The following HNRNPLL variants were observed in gnomAD, a reference collection of about 807,000 sequenced individuals.
The protein encoded by HNRNPLL is heterogeneous nuclear ribonucleoprotein L like.
Under a neutral mutation model 67.1 loss-of-function variants are expected in HNRNPLL, and 25 were observed. The observed-to-expected ratio is 0.37, with a 90% CI of 0.27 to 0.52. The LOEUF is 0.52. Ranked by LOEUF, HNRNPLL falls within the 20% of genes least tolerant of loss-of-function variation. The pLI is 0.90. For synonymous variants in HNRNPLL, 267 were observed against 241.7 expected, an observed-to-expected ratio of 1.10 and a Z score of -0.97; for missense variants, 542 against 673.9, an observed-to-expected ratio of 0.80 and a Z score of 2.17.
intron 12 of HNRNPLL, among the ~76,000 whole-genome samples, chr2:38,567,866 T>C (rs1479683349): frequency 1.3e-5 from 2 of 152,164 alleles, no homozygotes; most frequent in Non-Finnish European, 2.9e-5. Flanking sequence ...CTGGCTTCAG[T>C]CAAGCCCTGA....
At position 38,566,219 on chromosome 2, in the gene HNRNPLL, T is replaced by C. The variant is rs904609532; in HGVS notation, c.1573+1980A>G. On this transcript the variant is annotated intron_variant, in intron 12 of 12. Transcript: ENST00000449105. ...CCCGTCTCTAACAAAAATACAAAAA[T>C]TAGCTGGGTGTGGTGGTGGGTGCCT... is the stretch of plus-strand genomic sequence containing the variant. 3 of 266,394 alleles carry C rather than the reference T, an allele frequency of 1.1e-5. No individual in the cohort carries two copies. In the South Asian group the frequency reaches 4.0e-4, roughly 36 times the overall value. 16.5% of individuals were successfully genotyped at this position (266,394 alleles called of 1,614,324 possible). A position where few individuals can be genotyped will look rare whatever the true frequency, so the allele number is the denominator to read the frequency against.
intron 6 of HNRNPLL, 113 bp from the exon 7 acceptor site, chr2:38,577,645 T>A: frequency 1.5e-6 from 1 of 686,494 alleles, no homozygotes; most frequent in East Asian, 2.6e-5. Context: ...ATAAAAGAAA[T>A]ACGATTCCTG....
chr2:38,581,676 G>A (rs1482112729), intron 6 of HNRNPLL: 3 of 533,220 alleles, frequency 5.6e-6, no homozygotes, highest in South Asian at 3.0e-5. Flanking sequence ...TGAACTGCGG[G>A]CGTGCCTGAA....
At chr2:38,579,831 G>A (rs936257228) in intron 6 of HNRNPLL, among the ~76,000 whole-genome samples, 1 of 151,978 alleles carries the variant, frequency 6.6e-6, no homozygotes, top group Non-Finnish European at 1.5e-5. Flanking sequence ...TTGAGTGCAA[G>A]CTAAGAGCTC....
At chr2:38,584,055 T>A (rs140645947) in intron 3 of HNRNPLL, 129 bp from the exon 4 acceptor site, 9 of 457,344 alleles carry the variant, frequency 2.0e-5, no homozygotes, top group Non-Finnish European at 3.5e-5. Context: ...ATAAAATTAA[T>A]TCTTAAAATT....
At chr2:38,577,723 T>A (rs1336782972) in intron 6 of HNRNPLL, among the ~76,000 whole-genome samples, 191 bp from the exon 7 acceptor site, 2 of 152,078 alleles carry the variant, frequency 1.3e-5, no homozygotes, top group African/African-American at 4.8e-5. Flanking sequence ...ATTAATTCCA[T>A]CTAACAAATT....
At chr2:38,564,613 CAAAAAAAAAAAAAA>C (rs70954732) in intron 12 of HNRNPLL, among the ~76,000 whole-genome samples, 1 of 36,974 alleles carries the variant, frequency 2.7e-5, no homozygotes, top group Non-Finnish European at 5.6e-5. Flanking sequence ...GACTCCGTCT[CAAAAAAAAAAAAAA>C]AAAAAAAAAA....
chr2:38,584,160 G>T (rs769893371), intron 3 of HNRNPLL, among the ~76,000 whole-genome samples: 3 of 152,158 alleles, frequency 2.0e-5, no homozygotes, highest in Non-Finnish European at 4.4e-5. Flanking sequence ...TTCCCAGGCT[G>T]AAACGATCTC....
At chr2:38,565,987 A>C in intron 12 of HNRNPLL, 1 of 937,498 alleles carries the variant, frequency 1.1e-6, no homozygotes, top group Middle Eastern at 3.1e-4. Context: ...TCTCTTTTTT[A>C]AACCATCATT....
chr2:38,566,393 A>C (rs868727352), intron 12 of HNRNPLL, among the ~76,000 whole-genome samples: 2 of 150,540 alleles, frequency 1.3e-5, no homozygotes, highest in Non-Finnish European at 3.0e-5. Flanking sequence ...AAAAAAAAAA[A>C]CCAAAAAGGC....
chr2:38,573,149 G>C (rs1030171213), intron 8 of HNRNPLL, 61 bp downstream of exon 8: 3 of 1,103,462 alleles, frequency 2.7e-6, no homozygotes, highest in Non-Finnish European at 2.6e-6. Context: ...CATATTTGCA[G>C]CCTTTTCAGA....
chr2:38,602,621 G>C lies in HNRNPLL; in HGVS notation c.6C>G (p.Ser2=). The change falls in exon 1 of 13, where the codon TCC becomes TCG. Residue 2 remains serine (S), a synonymous_variant. Coordinates refer to ENST00000449105, the MANE Select transcript of HNRNPLL (RefSeq NM_138394.4). ...TCTCCCTGGGGGAGGAAGAGGAGGA[G>C]GACATGGCGGCGGCCGGAGGGACCG... M[S]SSSSSPRETY... 6.6e-7 allele frequency: 1 copy of C among 1,525,276 alleles called. No individual in the cohort carries two copies. The highest frequency in any genetic ancestry group is 8.8e-7 in the Non-Finnish European group (1 of 1,142,416). 94.5% of individuals were successfully genotyped at this position (1,525,276 alleles called of 1,614,324 possible).
chr2:38,572,835 G>A (rs1280211391), intron 8 of HNRNPLL, among the ~76,000 whole-genome samples: 2 of 151,860 alleles, frequency 1.3e-5, no homozygotes, highest in African/African-American at 4.8e-5. Context: ...GCTAGGCTCC[G>A]AAGCTTGTTT....
At position 38,581,984 on chromosome 2, in the gene HNRNPLL, G is replaced by C; in HGVS notation, c.731C>G (p.Pro244Arg). 6.2e-7 allele frequency: 1 copy of C among 1,610,540 alleles called. No homozygotes were observed. ...ATTCCTAATAACATTTAGACGAGTT[G>C]GCTGTTAAGATTGAAAATAATGTAA... is the stretch of plus-strand genomic sequence containing the variant. The part of the protein sequence containing the change: ...CCTLKIEYAR[P>R]TRLNVIRNDN... The change falls in exon 6 of 13, where the codon CCA becomes CGA. Residue 244 changes from proline (P) to arginine (R), a missense_variant and splice_region_variant. Around this residue, in one of 2 missense-constraint regions of HNRNPLL, gnomAD observed 415 missense variants for 575.2 expected, o/e 0.72. Transcript: ENST00000449105.
chr2:38,597,384 C>A (rs2148388572), intron 1 of HNRNPLL, among the ~76,000 whole-genome samples: 1 of 152,230 alleles, frequency 6.6e-6, no homozygotes, highest in Non-Finnish European at 1.5e-5. Flanking sequence ...TCAATGCAGT[C>A]CCAAGAATAA....
At chr2:38,602,212 T>C (rs1041599078) in intron 1 of HNRNPLL, 2 of 514,346 alleles carry the variant, frequency 3.9e-6, no homozygotes, top group Non-Finnish European at 6.7e-6. Context: ...GGCCCGGCAG[T>C]GGACTCGCTG....
chr2:38,579,400 AAAGTAT>A (rs1666431050), intron 6 of HNRNPLL, among the ~76,000 whole-genome samples: 1 of 151,834 alleles, frequency 6.6e-6, no homozygotes, highest in Admixed American at 6.6e-5. Flanking sequence ...CCTAAAACTT[AAAGTAT>A]AATAATAATA....
At chr2:38,569,680 C>A (rs1211462212) in intron 9 of HNRNPLL, 124 bp downstream of exon 9, 2 of 560,578 alleles carry the variant, frequency 3.6e-6, no homozygotes, top group South Asian at 3.4e-5. Flanking sequence ...AATATTACAG[C>A]TGTTGTTTCA....
At chr2:38,585,581 A>T (rs541362797) in intron 3 of HNRNPLL, 63 bp downstream of exon 3, 195 of 949,812 alleles carry the variant, frequency 2.1e-4, no homozygotes, top group Non-Finnish European at 2.4e-4. Context: ...ACTACAGATC[A>T]GTCACTCTGG....
Sources: gnomAD v4.1 joint callset for allele counts (sites outside exome capture counted in the v4.1 genomes callset) on GRCh38, gnomAD v4.1.1 for gene constraint, gnomAD v4.1.1 regional missense constraint, MANE v1.5 for transcripts, NCBI Gene and HGNC (gene_info 2026-07-23, HGNC 2026-07-21) for gene names.